MLPH: variants seen among roughly 807,000 people sequenced by gnomAD.
MLPH encodes melanophilin.
In MLPH, 51 loss-of-function variants were observed where a neutral mutation model predicts 72.1. The ratio of observed to expected loss-of-function variants is 0.71; its 90% CI spans 0.56 to 0.89. The LOEUF (loss-of-function observed/expected upper bound fraction) is 0.89. Among genes scored for constraint, MLPH ranks in the 40% least tolerant of loss-of-function variants. MLPH has a pLI of 0.00. For missense variants in MLPH, 743 were observed against 759.9 expected, an observed-to-expected ratio of 0.98 and a Z score of 0.26; for synonymous variants, 301 against 310.1, an observed-to-expected ratio of 0.97 and a Z score of 0.31.
intron 2 of MLPH, among the ~76,000 whole-genome samples, chr2:237,496,979 C>T (rs1203466456): frequency 2.6e-5 from 4 of 151,870 alleles, no homozygotes; most frequent in African/African-American, 4.8e-5. Flanking sequence ...TACCAGAGAC[C>T]GGTTTCATAG....
At chr2:237,548,595 G>A (rs769294025) in intron 13 of MLPH, among the ~76,000 whole-genome samples, 96 of 152,310 alleles carry the variant, frequency 6.3e-4, no homozygotes, top group Middle Eastern at 3.4e-3. Flanking sequence ...TTAGCCGGGC[G>A]CAGTGGCTCA....
intron 14 of MLPH, 21 bp downstream of exon 14, chr2:237,549,299 C>A (rs767501300): frequency 8.1e-6 from 13 of 1,610,230 alleles, no homozygotes; most frequent in East Asian, 2.2e-5. Flanking sequence ...TCTGCTCCCC[C>A]ACCCCCATGG....
At chr2:237,532,116 C>G (rs1177779503) in intron 8 of MLPH, among the ~76,000 whole-genome samples, 1 of 152,174 alleles carries the variant, frequency 6.6e-6, no homozygotes, top group Non-Finnish European at 1.5e-5. Context: ...AGAGAAAACC[C>G]AGGCAGACTC....
intron 2 of MLPH, among the ~76,000 whole-genome samples, chr2:237,496,907 C>G (rs2079547987): frequency 6.6e-6 from 1 of 152,202 alleles, no homozygotes; most frequent in African/African-American, 2.4e-5. Context: ...GAGTACATGT[C>G]AGCAGGTGAC....
At chr2:237,504,033 G>C (rs2079710266) in intron 2 of MLPH, among the ~76,000 whole-genome samples, 1 of 152,216 alleles carries the variant, frequency 6.6e-6, no homozygotes, top group South Asian at 2.1e-4. Flanking sequence ...GGGGCCAGGA[G>C]CCCACATACC....
At chr2:237,545,244 G>A (rs1245056842) in intron 12 of MLPH, among the ~76,000 whole-genome samples, 1 of 150,658 alleles carries the variant, frequency 6.6e-6, no homozygotes, top group Non-Finnish European at 1.5e-5. Context: ...GGGCACAGTG[G>A]TGAGTGAGGG....
rs2080389846 is a variant in MLPH at position 237,530,159 on chromosome 2, A to C, written c.1020+2643A>C. ...CACAGGGCTGCAGATTCCTCTCCCA[A>C]GGCCTTGGCCTACACTGTGGCAGTC... On this transcript the variant is annotated intron_variant, in intron 8 of 15. Coordinates refer to ENST00000264605, the MANE Select transcript of MLPH (RefSeq NM_024101.7). 2.0e-5 allele frequency among the ~76,000 whole-genome samples: 3 copies of C among 152,212 alleles called. No individual in the cohort carries two copies. The South Asian group carries it at 6.2e-4, about 31-fold the overall frequency.
intron 1 of MLPH, among the ~76,000 whole-genome samples, chr2:237,488,607 G>A (rs2079367601): frequency 6.6e-6 from 1 of 152,188 alleles, no homozygotes. Flanking sequence ...CAGGCTCTAA[G>A]AACAGTAGCA....
At chr2:237,516,997 GTGGATGGA>G (rs4053461) in intron 4 of MLPH, among the ~76,000 whole-genome samples, 3,985 of 130,776 alleles carry the variant, frequency 0.03, 122 homozygotes, top group African/African-American at 0.084. Context: ...TGGTAGGTGA[GTGGATGGA>G]TGGATGGATG....
chr2:237,514,822 C>T (rs1305422650), intron 4 of MLPH, among the ~76,000 whole-genome samples: 1 of 152,190 alleles, frequency 6.6e-6, no homozygotes, highest in Non-Finnish European at 1.5e-5. Context: ...ATCTTTCCTT[C>T]CACTGGGGAA....
At chr2:237,525,929 C>A in intron 7 of MLPH, 124 bp downstream of exon 7, 1 of 969,148 alleles carries the variant, frequency 1.0e-6, no homozygotes, top group Non-Finnish European at 1.6e-6. Flanking sequence ...CTTCCTTTGG[C>A]GTGATTGTCC....
At chr2:237,545,396 C>G (rs2080893425) in intron 12 of MLPH, 1 of 1,236,256 alleles carries the variant, frequency 8.1e-7, no homozygotes, top group Non-Finnish European at 1.1e-6. Context: ...AGCCAGTTAG[C>G]CAGCTGTGCC....
At chr2:237,530,752 C>A (rs779254852) in intron 8 of MLPH, among the ~76,000 whole-genome samples, 3 of 152,238 alleles carry the variant, frequency 2.0e-5, no homozygotes, top group Non-Finnish European at 4.4e-5. Context: ...TTTTGTGTAA[C>A]AGCAAGCAAG....
intron 1 of MLPH, among the ~76,000 whole-genome samples, chr2:237,492,160 TA>T (rs2079440297): frequency 6.6e-6 from 1 of 152,258 alleles, no homozygotes; most frequent in South Asian, 2.1e-4. Flanking sequence ...AGGTTCCACC[TA>T]TCTTGGCTTT....
Position 237,542,610 on chromosome 2 carries a change from G to A in MLPH, c.1490G>A (p.Gly497Glu). ...AGGATTGCAGCCCTGAGGGCCGCAG[G>A]GCTCACGGTGAAGCCCTCGGGAAAG... ...ESRIAALRAA[G>E]LTVKPSGKPR... Residue 497 changes from glycine to glutamate, a missense_variant, in exon 12 of 16, where the codon GGG becomes GAG. Gly to Glu is a moderately conservative substitution (Grantham distance 98). Coordinates refer to ENST00000264605, the MANE Select transcript of MLPH (RefSeq NM_024101.7). 6.2e-7 allele frequency: 1 copy of A among 1,603,060 alleles called. No homozygotes were observed. The highest frequency in any genetic ancestry group is 8.5e-7 in the Non-Finnish European group (1 of 1,175,784).
intron 7 of MLPH, among the ~76,000 whole-genome samples, chr2:237,526,908 T>A (rs2080316581): frequency 6.6e-6 from 1 of 152,208 alleles, no homozygotes; most frequent in South Asian, 2.1e-4. Flanking sequence ...TCGCTTAACC[T>A]CTGTGCACCT....
chr2:237,497,628 T>G (rs1013346121), intron 2 of MLPH, among the ~76,000 whole-genome samples: 2 of 152,224 alleles, frequency 1.3e-5, no homozygotes, highest in Non-Finnish European at 2.9e-5. Context: ...CTCTGGTTCT[T>G]GGCACCAAAA....
rs757809624 is a variant in MLPH, at chr2:237,518,640, G to A, written c.547G>A (p.Gly183Ser). 5.0e-6 allele frequency: 8 copies of A among 1,612,510 alleles called. No individual in the cohort carries two copies. The highest frequency in any genetic ancestry group is 6.8e-6 in the Non-Finnish European group (8 of 1,179,502). ...SEAQAQAQPF[G>S]SKKKRLLSVH... ...GGCCCAGGCCCAGGCCCAGCCCTTTGGCAGCAAAGTAAGTCATCTCCAGCC... is the reference window on the plus strand; with the variant it reads ...GGCCCAGGCCCAGGCCCAGCCCTTTAGCAGCAAAGTAAGTCATCTCCAGCC... Residue 183 changes from glycine (G) to serine (S), a missense_variant, in exon 5 of 16, where the codon GGC becomes AGC. Coordinates refer to ENST00000264605, the MANE Select transcript of MLPH (RefSeq NM_024101.7).
At chr2:237,499,894 A>G (rs1022811844) in intron 2 of MLPH, among the ~76,000 whole-genome samples, 2 of 152,046 alleles carry the variant, frequency 1.3e-5, no homozygotes, top group Non-Finnish European at 1.5e-5. Context: ...ACAGGCATGC[A>G]TCACCACACC....
Sources: allele counts gnomAD v4.1 joint callset (sites outside exome capture counted in the v4.1 genomes callset), GRCh38; gene constraint gnomAD v4.1.1; transcripts MANE v1.5; gene names NCBI Gene and HGNC (gene_info 2026-07-23, HGNC 2026-07-21).